The following PHLDB1 variants were observed in gnomAD, a reference collection of about 807,000 sequenced individuals.
PHLDB1 encodes pleckstrin homology-like domain family B member 1.
In PHLDB1, 65 loss-of-function variants were observed where a neutral mutation model predicts 139.3. The ratio of observed to expected loss-of-function variants is 0.47; its 90% CI spans 0.38 to 0.57. PHLDB1 has a LOEUF of 0.57. PHLDB1 is among the 20% of genes least tolerant of loss of function. The pLI is 0.00. For synonymous variants in PHLDB1, 679 were observed against 734.5 expected (o/e 0.92, Z 1.22); for missense variants, 1,624 against 1,839.7 (o/e 0.88, Z 2.14).
rs1946087471 is a variant in PHLDB1, at chr11:118,638,996, CA to C, written c.2645del (p.Lys882ArgfsTer6). On this transcript the variant is annotated frameshift_variant, in exon 11 of 23. Coordinates refer to ENST00000600882, the MANE Select transcript of PHLDB1 (RefSeq NM_001144758.3). LOFTEE classifies it high-confidence loss of function. ...RDKNASLQLL[Q>X]KEKEKLTVLE... ...CAAGAATGCCTCCTTACAGCTGCTG[CA>C]AAAGGTAGGGTCCCTGAGGTTGGGC... The C allele has an allele frequency of 6.2e-7, 1 of 1,612,008 alleles. No homozygotes were observed. Among genetic ancestry groups the C allele is most frequent in the Non-Finnish European group, 8.5e-7 (1 of 1,178,558 alleles).
chr11:118,634,737 G>A (rs941591009), intron 9 of PHLDB1: 5 of 243,628 alleles, frequency 2.1e-5, no homozygotes, highest in Non-Finnish European at 3.4e-5. Flanking sequence ...CTCCTCGCCT[G>A]GTTATTCTCC....
At position 118,645,524 on chromosome 11, in the gene PHLDB1, C is replaced by T. The variant is rs201439807; in HGVS notation, c.3290C>T (p.Ala1097Val). Residue 1097 changes from alanine (A) to valine (V), a missense_variant, in exon 16 of 23, where the codon GCG (alanine) becomes GTG (valine). Transcript: ENST00000600882. The surrounding 1 kb of genome is among the most constrained non-coding windows in gnomAD (Gnocchi z 5.1). ...MHHSILHHLP[A>V]GRERGEEGEH... ...CACTCTATCCTACACCACCTGCCTG[C>T]GGGGCGGGAGCGTGGGGAGGAGGGT... The T allele has an allele frequency of 2.5e-5, 41 of 1,612,650 alleles. No homozygotes were observed. The highest frequency in any genetic ancestry group is 1.3e-4 in the Admixed American group (8 of 59,858).
At chr11:118,618,119 T>C (rs1942023057) in intron 4 of PHLDB1, among the ~76,000 whole-genome samples, 1 of 152,154 alleles carries the variant, frequency 6.6e-6, no homozygotes, top group Non-Finnish European at 1.5e-5. Context: ...CCAGTGACCC[T>C]TCCCGACTCT....
chr11:118,606,919 A>T (rs533606550), upstream of PHLDB1, among the ~76,000 whole-genome samples: 26 of 152,248 alleles, frequency 1.7e-4, no homozygotes, highest in South Asian at 5.4e-3. Flanking sequence ...CAAGATGATA[A>T]TTCCATTCGG....
At chr11:118,627,200 C>T (rs1944026343) in intron 5 of PHLDB1, 105 bp from the exon 6 acceptor site, 1 of 1,172,058 alleles carries the variant, frequency 8.5e-7, no homozygotes, top group African/African-American at 1.5e-5. Flanking sequence ...GGCTTCTTCT[C>T]CAGAGCCTTG....
intron 9 of PHLDB1, chr11:118,633,379 GTTC>G (rs1945114256): frequency 6.6e-6 from 1 of 152,250 alleles, no homozygotes; most frequent in South Asian, 2.1e-4. Flanking sequence ...AGACTGAAGA[GTTC>G]TTTCCATTGG....
At position 118,620,170 on chromosome 11, in the gene PHLDB1, C is replaced by A. The variant is rs1942477242; in HGVS notation, c.355+3959C>A. On this transcript the variant is annotated intron_variant, in intron 4 of 22. Coordinates refer to ENST00000600882, the MANE Select transcript of PHLDB1 (RefSeq NM_001144758.3). This position sits in a 1 kb window ranked among gnomAD's most constrained non-coding sequence, Gnocchi z 4.1. ...AGGTCCCTGGAACAAGAGGAACTCTCTGGGGGACCTGGCTGGATGGTAGGT... is the reference window on the plus strand; with the variant it reads ...AGGTCCCTGGAACAAGAGGAACTCTATGGGGGACCTGGCTGGATGGTAGGT... 6.6e-6 allele frequency among the ~76,000 whole-genome samples: 1 copy of A among 152,228 alleles called. No homozygotes were observed. Among genetic ancestry groups the A allele is most frequent in the Admixed American group, 6.5e-5 (1 of 15,290 alleles).
At position 118,650,896 on chromosome 11, in the gene PHLDB1, C is replaced by T. The variant is rs1948251016; in HGVS notation, c.3874+349C>T. On this transcript the variant is annotated intron_variant, in intron 20 of 22. Coordinates refer to ENST00000600882, the MANE Select transcript of PHLDB1 (RefSeq NM_001144758.3). The surrounding 1 kb of genome is among the most constrained non-coding windows in gnomAD (Gnocchi z 4.7). ...GCACAATGGGTATGCTGATAGGAGA[C>T]ATCCAGGCACTGCAGGAGCATGGGG... The T allele has an allele frequency of 3.4e-6, 1 of 294,654 alleles. No homozygotes were observed. 18.3% of individuals were successfully genotyped at this position (294,654 alleles called of 1,614,324 possible).
In PHLDB1 at chr11:118,645,298, G is replaced by A; in HGVS notation, c.3122-58G>A. On this transcript the variant is annotated intron_variant, in intron 15 of 22. Transcript: ENST00000600882. The surrounding 1 kb of genome is among the most constrained non-coding windows in gnomAD (Gnocchi z 5.1). ...TCCCTCTGTGTGTTGTGCTGCCAGT[G>A]GCCTGCTCCTTAGCTGCGTGGGGAG... 7.4e-7 allele frequency: 1 copy of A among 1,353,304 alleles called. No homozygotes were observed. 83.8% of individuals were successfully genotyped at this position (1,353,304 alleles called of 1,614,324 possible).
chr11:118,639,609 G>A (rs1946198525), intron 12 of PHLDB1: 1 of 317,002 alleles, frequency 3.2e-6, no homozygotes, highest in South Asian at 5.7e-5. Context: ...TAGGGGTGCT[G>A]ATCCTGGGGC....
rs1555082587 is a variant in PHLDB1 at position 118,610,238 on chromosome 11, C to G, written c.-22+2539C>G. ...TTTTCCCCTTCACATCCCGGTGGCT[C>G]CCCTTCCCCGCCCCGTCCCTCTGCA... On this transcript the variant is annotated intron_variant, in intron 1 of 22. Transcript: ENST00000600882. The surrounding 1 kb of genome is among the most constrained non-coding windows in gnomAD (Gnocchi z 8.7). Among the ~76,000 whole-genome samples, 1 of 152,036 alleles carries G rather than the reference C, an allele frequency of 6.6e-6. No individual in the cohort carries two copies. Among genetic ancestry groups the G allele is most frequent in the African/African-American group, 2.4e-5 (1 of 41,386 alleles).
chr11:118,650,611 G>A lies in PHLDB1; in HGVS notation c.3874+64G>A. ...TCCCTGGGCTCTGTTACCCAGGACG[G>A]CTGGTCTTCTAGAAGGAGGCCAAGC... On this transcript the variant is annotated intron_variant, in intron 20 of 22. Transcript: ENST00000600882. The surrounding 1 kb of genome is among the most constrained non-coding windows in gnomAD (Gnocchi z 4.7). 8.5e-7 allele frequency: 1 copy of A among 1,170,484 alleles called. No homozygotes were observed. Among genetic ancestry groups the A allele is most frequent in the Non-Finnish European group, 1.3e-6 (1 of 778,572 alleles). 72.5% of individuals were successfully genotyped at this position (1,170,484 alleles called of 1,614,324 possible). A position where few individuals can be genotyped will look rare whatever the true frequency, so the allele number is the denominator to read the frequency against.
Position 118,642,306 on chromosome 11 carries a change from T to C in PHLDB1, c.2789T>C (p.Leu930Pro), listed in dbSNP as rs781897913. The C allele has an allele frequency of 2.5e-6, 4 of 1,613,144 alleles. No individual in the cohort carries two copies. The highest frequency in any genetic ancestry group is 3.4e-6 in the Non-Finnish European group (4 of 1,179,944). ...GACTTAGAGCAGTGGTACCAGGAGCTGATGGCCGGGCTGGGGACTGGCCCC... is the reference window on the plus strand; with the variant it reads ...GACTTAGAGCAGTGGTACCAGGAGCCGATGGCCGGGCTGGGGACTGGCCCC... ...AVDLEQWYQE[L>P]MAGLGTGPAA... The change falls in exon 13 of 23, where the codon CTG (leucine) becomes CCG (proline). Residue 930 changes from leucine to proline, a missense_variant. Leu to Pro is a moderately conservative substitution (Grantham distance 98). Transcript: ENST00000600882.
At chr11:118,644,700 T>C (rs1555125328) in intron 15 of PHLDB1, 1 of 1,288,922 alleles carries the variant, frequency 7.8e-7, no homozygotes, top group Admixed American at 2.3e-5. Context: ...AGGTAGAACG[T>C]TGGTCATAGA....
In PHLDB1 at chr11:118,625,071, C is replaced by T. The variant is rs367840109; in HGVS notation, c.481+12C>T. On this transcript the variant is annotated intron_variant, in intron 5 of 22. Transcript: ENST00000600882. Reference sequence around the variant, plus strand: ...CAGCCCTGTTCCTGGTAGGTACCGACGGGGGCAGGGTGCTGGGTTGATGGT... The same window carrying T: ...CAGCCCTGTTCCTGGTAGGTACCGATGGGGGCAGGGTGCTGGGTTGATGGT... 1.1e-4 allele frequency: 169 copies of T among 1,590,098 alleles called. No individual in the cohort carries two copies. The highest frequency in any genetic ancestry group is 5.4e-4 in the South Asian group (47 of 86,554).
Position 118,638,981 on chromosome 11 carries a change from T to A in PHLDB1, c.2626T>A (p.Ser876Thr). 6.2e-7 allele frequency: 1 copy of A among 1,613,394 alleles called. No individual in the cohort carries two copies. The highest frequency in any genetic ancestry group is 8.5e-7 in the Non-Finnish European group (1 of 1,179,586). ...SERLARDKNASLQLLQKEKEK... is the reference protein window; with the variant it reads ...SERLARDKNATLQLLQKEKEK... ...ACGCCTGGCCCGGGACAAGAATGCC[T>A]CCTTACAGCTGCTGCAAAAGGTAGG... Residue 876 changes from serine (S) to threonine (T), a missense_variant, in exon 11 of 23, where the codon TCC (serine) becomes ACC (threonine). Physicochemically the swap from Ser to Thr is moderately conservative, Grantham distance 58 (BLOSUM62 1). Transcript: ENST00000600882.
intron 13 of PHLDB1, among the ~76,000 whole-genome samples, 200 bp downstream of exon 13, chr11:118,642,594 C>T (rs1169801868): frequency 2.6e-5 from 4 of 152,264 alleles, no homozygotes. Flanking sequence ...GGCCAGCCTC[C>T]ATAGTCTAAA....
chr11:118,610,200 A>C lies in PHLDB1; in HGVS notation c.-22+2501A>C, dbSNP rs1411838578. 1.4e-5 allele frequency among the ~76,000 whole-genome samples: 2 copies of C among 147,900 alleles called. No individual in the cohort carries two copies. The highest frequency in any genetic ancestry group is 5.0e-5 in the African/African-American group (2 of 39,754). On this transcript the variant is annotated intron_variant, in intron 1 of 22. Transcript: ENST00000600882. This position sits in a 1 kb window ranked among gnomAD's most constrained non-coding sequence, Gnocchi z 8.7. ...CAGCTTGCATTTTTTCCCATCTCTT[A>C]GTCTGCCTTTCATTTTCCCCTTCAC...
chr11:118,642,230 T>A, intron 12 of PHLDB1, 24 bp from the exon 13 acceptor site: 1 of 1,608,886 alleles, frequency 6.2e-7, no homozygotes, highest in Non-Finnish European at 8.5e-7. Flanking sequence ...TGTCCCCTTT[T>A]CCCCTCCCCA....
Sources: allele counts gnomAD v4.1 joint callset (sites outside exome capture counted in the v4.1 genomes callset), GRCh38; gene constraint gnomAD v4.1.1; non-coding constraint Gnocchi (gnomAD v3.1); transcripts MANE v1.5; gene names NCBI Gene and HGNC (gene_info 2026-07-23, HGNC 2026-07-21).